The following INPP4B variants were observed in gnomAD, a reference collection of about 807,000 sequenced individuals.
INPP4B encodes inositol polyphosphate-4-phosphatase type II B.
A neutral mutation model predicts 122.5 loss-of-function variants in INPP4B; 55 were observed. The observed-to-expected ratio is 0.45, with a 90% CI of 0.36 to 0.56. The LOEUF is 0.56. INPP4B is among the 20% of genes least tolerant of loss of function. The pLI is 0.00. For synonymous variants in INPP4B, 403 were observed against 388.7 expected (o/e 1.04, Z -0.43); for missense variants, 1,000 against 1,097.7 (o/e 0.91, Z 1.26).
intron 17 of INPP4B, among the ~76,000 whole-genome samples, chr4:142,156,333 G>T (rs34117773): frequency 0.059 from 8,983 of 152,084 alleles, 342 homozygotes; most frequent in South Asian, 0.15. Flanking sequence ...AGAATTATTA[G>T]AAACCACAAA....
At chr4:142,612,550 C>A (rs879882235) in intron 2 of INPP4B, among the ~76,000 whole-genome samples, 1 of 152,142 alleles carries the variant, frequency 6.6e-6, no homozygotes, top group Non-Finnish European at 1.5e-5. Context: ...TTGGTAAGGG[C>A]CCAATTCCTG....
At chr4:142,589,511 A>G (rs1231715157) in intron 2 of INPP4B, among the ~76,000 whole-genome samples, 1 of 152,128 alleles carries the variant, frequency 6.6e-6, no homozygotes. Flanking sequence ...CAGATGTCAA[A>G]CAGCATATGA....
At chr4:142,312,720 A>G (rs1286455778) in intron 8 of INPP4B, among the ~76,000 whole-genome samples, 1 of 152,250 alleles carries the variant, frequency 6.6e-6, no homozygotes, top group African/African-American at 2.4e-5. Context: ...TGGTTGTGGA[A>G]TGGGGGTGGG....
chr4:142,214,787 A>G (rs1846374127), intron 12 of INPP4B, among the ~76,000 whole-genome samples: 2 of 152,152 alleles, frequency 1.3e-5, no homozygotes, highest in South Asian at 4.1e-4. Context: ...TCCTGACCTC[A>G]GGTGATCCAC....
At chr4:142,068,872 C>G (rs1488129796) in intron 25 of INPP4B, among the ~76,000 whole-genome samples, 1 of 152,168 alleles carries the variant, frequency 6.6e-6, no homozygotes, top group Non-Finnish European at 1.5e-5. Flanking sequence ...GACTCTCACA[C>G]AATAATAATG....
At chr4:142,311,039 T>C (rs1428444797) in intron 8 of INPP4B, among the ~76,000 whole-genome samples, 1 of 152,070 alleles carries the variant, frequency 6.6e-6, no homozygotes. Flanking sequence ...TAATAAAAAA[T>C]CTAAACTCCT....
chr4:142,788,577 T>C (rs1398500095), intron 1 of INPP4B, among the ~76,000 whole-genome samples: 1 of 152,108 alleles, frequency 6.6e-6, no homozygotes, highest in Non-Finnish European at 1.5e-5. Flanking sequence ...ACCCAAGCAG[T>C]ATACACTGCA....
rs550966699 is a variant in INPP4B at position 142,564,830 on chromosome 4, C to T, written c.-190-102104G>A. Among the ~76,000 whole-genome samples, 314 of 152,182 alleles carry T rather than the reference C, an allele frequency of 2.1e-3. 2 individuals carry two copies. The highest frequency in any genetic ancestry group is 6.3e-3 in the African/African-American group (263 of 41,530). On this transcript the variant is annotated intron_variant, in intron 2 of 25. Transcript: ENST00000262992. ...TTAAAAAAATGGAGTAACTCAGGCA[C>T]TCTCATATTATTTTCAGGTCAGTAT...
intron 7 of INPP4B, among the ~76,000 whole-genome samples, chr4:142,320,871 T>C (rs911507850): frequency 1.3e-5 from 2 of 152,250 alleles, no homozygotes; most frequent in Admixed American, 6.5e-5. Flanking sequence ...TACTCATTGA[T>C]TGATGGGCAT....
At chr4:142,619,191 A>T (rs1744349343) in intron 2 of INPP4B, among the ~76,000 whole-genome samples, 2 of 152,044 alleles carry the variant, frequency 1.3e-5, no homozygotes, top group South Asian at 4.1e-4. Context: ...CTAAAAAAAA[A>T]AATTAAAAAT....
At chr4:142,547,764 C>T (rs531567215) in intron 2 of INPP4B, among the ~76,000 whole-genome samples, 1 of 152,126 alleles carries the variant, frequency 6.6e-6, no homozygotes, top group African/African-American at 2.4e-5. Flanking sequence ...AATGACTCCT[C>T]ACTTTTTATT....
intron 2 of INPP4B, among the ~76,000 whole-genome samples, chr4:142,629,542 G>A (rs1372419857): frequency 6.6e-6 from 1 of 151,980 alleles, no homozygotes; most frequent in Non-Finnish European, 1.5e-5. Context: ...GGGGCAGAGA[G>A]AACACACTGA....
intron 2 of INPP4B, among the ~76,000 whole-genome samples, chr4:142,705,347 T>C (rs765784636): frequency 3.3e-5 from 5 of 152,046 alleles, no homozygotes; most frequent in Non-Finnish European, 5.9e-5. Flanking sequence ...CTGACTCTCC[T>C]TTTTTTGTGT....
intron 3 of INPP4B, among the ~76,000 whole-genome samples, chr4:142,453,164 T>A (rs1580105033): frequency 6.6e-6 from 1 of 152,322 alleles, no homozygotes; most frequent in South Asian, 2.1e-4. Flanking sequence ...AGATTCTTTT[T>A]TCGCATGCAC....
At chr4:142,198,145 TAAAAA>T (rs11353335) in intron 14 of INPP4B, among the ~76,000 whole-genome samples, 10 of 151,972 alleles carry the variant, frequency 6.6e-5, no homozygotes, top group African/African-American at 2.4e-4. Flanking sequence ...TTTATAAAAA[TAAAAA>T]AAATGATTAA....
chr4:142,470,922 T>G (rs1269208016), intron 2 of INPP4B, among the ~76,000 whole-genome samples: 1 of 152,222 alleles, frequency 6.6e-6, no homozygotes, highest in Non-Finnish European at 1.5e-5. Context: ...AATCTTTGAA[T>G]AAATTGCATT....
chr4:142,278,025 C>G (rs766457150), intron 9 of INPP4B, among the ~76,000 whole-genome samples: 2 of 151,758 alleles, frequency 1.3e-5, no homozygotes, highest in Non-Finnish European at 2.9e-5. Context: ...TTCATATAAC[C>G]AAACACCATC....
intron 1 of INPP4B, among the ~76,000 whole-genome samples, chr4:142,768,537 A>G (rs1772515404): frequency 1.3e-5 from 2 of 152,220 alleles, no homozygotes; most frequent in Non-Finnish European, 2.9e-5. Context: ...AATCAGAGTT[A>G]AGTCACAATG....
At chr4:142,366,654 A>T (rs1787603365) in intron 7 of INPP4B, among the ~76,000 whole-genome samples, 1 of 152,154 alleles carries the variant, frequency 6.6e-6, no homozygotes, top group South Asian at 2.1e-4. Context: ...TTTGAGTTCA[A>T]CTGAACAAAG....
Sources: gnomAD v4.1 joint callset for allele counts (sites outside exome capture counted in the v4.1 genomes callset) on GRCh38, gnomAD v4.1.1 for gene constraint, MANE v1.5 for transcripts, NCBI Gene and HGNC (gene_info 2026-07-23, HGNC 2026-07-21) for gene names.